DGKB: variants seen among roughly 807,000 people sequenced by gnomAD.
The protein encoded by DGKB is 90 kDa diacylglycerol kinase.
A neutral mutation model predicts 114.3 loss-of-function variants in DGKB; 67 were observed. The ratio of observed to expected loss-of-function variants is 0.59; its 90% CI spans 0.48 to 0.72. The LOEUF (loss-of-function observed/expected upper bound fraction) is 0.72, where lower values mean the gene tolerates loss of function less well. Among genes scored for constraint, DGKB ranks in the 30% least tolerant of loss-of-function variants. The pLI, the probability that DGKB is intolerant of heterozygous loss-of-function variation, is 0.00. For synonymous variants in DGKB, 398 were observed against 323.1 expected (o/e 1.23, Z -2.49); for missense variants, 907 against 975.2 (o/e 0.93, Z 0.93).
intron 1 of DGKB, among the ~76,000 whole-genome samples, chr7:14,971,169 T>C (rs186439308): frequency 1.3e-5 from 2 of 152,274 alleles, no homozygotes; most frequent in East Asian, 1.9e-4. Flanking sequence ...CTGCTGCTGC[T>C]TTTTTCAACT....
intron 1 of DGKB, among the ~76,000 whole-genome samples, chr7:14,965,988 TTTTC>T (rs1196512363): frequency 6.6e-6 from 1 of 152,158 alleles, no homozygotes; most frequent in Non-Finnish European, 1.5e-5. Flanking sequence ...TTGGAGATTT[TTTTC>T]TTTAAGAATA....
intron 2 of DGKB, among the ~76,000 whole-genome samples, chr7:14,818,360 G>T (rs1200692134): frequency 6.6e-6 from 1 of 152,100 alleles, no homozygotes; most frequent in Non-Finnish European, 1.5e-5. Context: ...AATGCACACA[G>T]TTCTAGAATC....
intron 2 of DGKB, among the ~76,000 whole-genome samples, chr7:14,816,935 C>T (rs1003301446): frequency 6.6e-6 from 1 of 152,296 alleles, no homozygotes; most frequent in East Asian, 1.9e-4. Flanking sequence ...TAAAAACTTG[C>T]AGATTATTAA....
At chr7:14,274,432 A>T (rs1798703639) in intron 23 of DGKB, among the ~76,000 whole-genome samples, 1 of 152,066 alleles carries the variant, frequency 6.6e-6, no homozygotes, top group South Asian at 2.1e-4. Flanking sequence ...CCCAAACTCA[A>T]AATTGTTGGC....
chr7:14,582,649 C>T (rs564458176), intron 18 of DGKB, among the ~76,000 whole-genome samples: 5 of 152,098 alleles, frequency 3.3e-5, no homozygotes, highest in Admixed American at 1.3e-4. Context: ...GATAACGATA[C>T]AAATGTATAC....
At chr7:14,250,545 G>A (rs1795081396) in intron 23 of DGKB, among the ~76,000 whole-genome samples, 3 of 152,070 alleles carry the variant, frequency 2.0e-5, no homozygotes, top group Admixed American at 6.6e-5. Flanking sequence ...TCTTAAATGT[G>A]TTAAAATGTG....
intron 7 of DGKB, 57 bp downstream of exon 7, chr7:14,701,624 C>A (rs1413364654): frequency 1.6e-6 from 2 of 1,214,944 alleles, no homozygotes; most frequent in Non-Finnish European, 2.4e-6. Flanking sequence ...TTATTCATTG[C>A]ATTCTTCAGA....
intron 1 of DGKB, among the ~76,000 whole-genome samples, chr7:14,954,767 G>C (rs1436048444): frequency 5.3e-5 from 8 of 152,042 alleles, no homozygotes; most frequent in African/African-American, 1.9e-4. Flanking sequence ...ATATAAAATT[G>C]TAGATACCTA....
chr7:14,344,782 C>T (rs1406603274), intron 22 of DGKB, among the ~76,000 whole-genome samples: 3 of 150,440 alleles, frequency 2.0e-5, no homozygotes, highest in Non-Finnish European at 4.4e-5. Flanking sequence ...TGCTCTCTTT[C>T]TTGGCATTTC....
intron 1 of DGKB, among the ~76,000 whole-genome samples, chr7:14,916,177 A>T (rs1476487244): frequency 6.6e-6 from 1 of 151,960 alleles, no homozygotes; most frequent in Non-Finnish European, 1.5e-5. Context: ...CTCTGAGATA[A>T]CCCCTAACAT....
At chr7:14,164,466 G>C (rs922618636) in intron 25 of DGKB, among the ~76,000 whole-genome samples, 1 of 152,274 alleles carries the variant, frequency 6.6e-6, no homozygotes, top group Middle Eastern at 3.4e-3. Flanking sequence ...TTAATGCAAC[G>C]GTCTTGGGAG....
intron 2 of DGKB, among the ~76,000 whole-genome samples, chr7:14,797,426 T>C (rs1841552135): frequency 3.3e-5 from 5 of 152,152 alleles, no homozygotes; most frequent in Admixed American, 1.3e-4. Context: ...ACAAATATAC[T>C]TCTTTGACAT....
At chr7:14,289,352 C>G (rs1801376870) in intron 23 of DGKB, among the ~76,000 whole-genome samples, 1 of 151,986 alleles carries the variant, frequency 6.6e-6, no homozygotes, top group African/African-American at 2.4e-5. Flanking sequence ...AAGTAAAATG[C>G]TTAAAACCTA....
intron 25 of DGKB, among the ~76,000 whole-genome samples, chr7:14,163,489 G>C (rs1258640173): frequency 1.3e-5 from 2 of 152,122 alleles, no homozygotes; most frequent in Non-Finnish European, 2.9e-5. Flanking sequence ...GTTTAAAATT[G>C]TAAATTTATG....
intron 25 of DGKB, among the ~76,000 whole-genome samples, chr7:14,165,860 T>G (rs983353580): frequency 1.3e-5 from 2 of 152,226 alleles, no homozygotes; most frequent in East Asian, 3.9e-4. Flanking sequence ...TAAAGGAGTC[T>G]CATTGGACTA....
At position 14,146,086 on chromosome 7, in the gene DGKB, CTG is replaced by C. The variant is rs1052468577; in HGVS notation, c.*3043_*3044del. The C allele has an allele frequency of 6.6e-6, 1 of 152,174 alleles. No homozygotes were observed. The highest frequency in any genetic ancestry group is 2.4e-5 in the African/African-American group (1 of 41,462). 9.4% of individuals were successfully genotyped at this position (152,174 alleles called of 1,614,324 possible). On this transcript the variant is annotated 3_prime_UTR_variant, in exon 26 of 26. Coordinates refer to ENST00000402815, the MANE Select transcript of DGKB (RefSeq NM_001350709.2). ...GAACCTGTTTTAAATAAAATAAAAA[CTG>C]TTTTAAAATGTTAATTTTTAAACTT...
At chr7:14,562,730 T>C (rs1311768966) in intron 20 of DGKB, among the ~76,000 whole-genome samples, 19 of 152,228 alleles carry the variant, frequency 1.2e-4, no homozygotes, top group Admixed American at 1.2e-3. Context: ...ACCCCCATTG[T>C]ATCTAGGAAG....
chr7:14,474,787 T>C (rs1246517256), intron 21 of DGKB, among the ~76,000 whole-genome samples: 1 of 151,784 alleles, frequency 6.6e-6, no homozygotes, highest in East Asian at 1.9e-4. Flanking sequence ...ACCAATATTA[T>C]GTAATAAATA....
chr7:14,330,706 T>C (rs1225991318), intron 23 of DGKB, among the ~76,000 whole-genome samples: 2 of 151,998 alleles, frequency 1.3e-5, no homozygotes, highest in Non-Finnish European at 2.9e-5. Flanking sequence ...GAGAATATTC[T>C]AAATATTGTC....
Sources: gnomAD v4.1 joint callset for allele counts (sites outside exome capture counted in the v4.1 genomes callset) on GRCh38, gnomAD v4.1.1 for gene constraint, MANE v1.5 for transcripts, NCBI Gene and HGNC (gene_info 2026-07-23, HGNC 2026-07-21) for gene names.